ALDH3B1: variants seen among roughly 807,000 people sequenced by gnomAD.
ALDH3B1 encodes the protein aldehyde dehydrogenase 3 family member B1.
ALDH3B1 carries 37 observed loss-of-function variants against 46.2 expected under a neutral mutation model. The observed-to-expected ratio is 0.80, with a 90% CI of 0.62 to 1.05. ALDH3B1 has a LOEUF of 1.05. ALDH3B1 is among the 50% of genes least tolerant of loss of function. ALDH3B1 has a pLI of 0.00. For synonymous variants in ALDH3B1, 283 were observed against 281.0 expected (o/e 1.01, Z -0.07); for missense variants, 603 against 665.5 (o/e 0.91, Z 1.03).
chr11:68,011,495 C>G lies in ALDH3B1; in HGVS notation c.-2+1103C>G, dbSNP rs1429515202. On this transcript the variant is annotated intron_variant, in intron 1 of 9. Coordinates refer to ENST00000342456, the MANE Select transcript of ALDH3B1 (RefSeq NM_000694.4). ...ATGAGTGCCTCCATTTTGGTTTGGT[C>G]TGGTCTGTTGGGGCCTAGTACAGGA... is the stretch of plus-strand genomic sequence containing the variant. Among the ~76,000 whole-genome samples the G allele has an allele frequency of 3.3e-5, 5 of 152,196 alleles. No individual in the cohort carries two copies. In the East Asian group the frequency reaches 7.7e-4, roughly 23 times the overall value.
In ALDH3B1 at chr11:68,028,458, C is replaced by T. The variant is rs1854639646; in HGVS notation, c.*519C>T. On this transcript the variant is annotated 3_prime_UTR_variant, in exon 10 of 10. Transcript: ENST00000342456. ...TTGGGAGGCCGAGGCAGGCGGATCA[C>T]CTGAAATCAGGAGTTCAAGATCAGC... is the stretch of plus-strand genomic sequence containing the variant. The T allele has an allele frequency of 4.1e-6, 1 of 243,956 alleles. No homozygotes were observed. The highest frequency in any genetic ancestry group is 8.4e-6 in the Non-Finnish European group (1 of 119,222). The allele number at this position is 243,956 out of a possible 1,614,324, so 15.1% of individuals were successfully genotyped here.
upstream of ALDH3B1, among the ~76,000 whole-genome samples, chr11:68,009,284 T>C (rs1857185420): frequency 6.6e-6 from 1 of 152,172 alleles, no homozygotes; most frequent in African/African-American, 2.4e-5. Context: ...CACAGGGCGC[T>C]GGGAGAGGAG....
At chr11:68,015,514 G>T (rs1442479261) in intron 2 of ALDH3B1, 55 bp downstream of exon 2, 1 of 1,553,574 alleles carries the variant, frequency 6.4e-7, no homozygotes, top group East Asian at 2.4e-5. Flanking sequence ...GGCATGGAGG[G>T]CAGCTGGGAC....
At chr11:68,016,273 C>G (rs1857349402) in intron 2 of ALDH3B1, 1 of 152,452 alleles carries the variant, frequency 6.6e-6, no homozygotes, top group Non-Finnish European at 1.5e-5. Flanking sequence ...GGGGAGATGG[C>G]AGCGGGCACA....
chr11:68,027,771 C>T lies in ALDH3B1; in HGVS notation c.1239C>T (p.Tyr413=). 6.4e-7 allele frequency: 1 copy of T among 1,558,790 alleles called. No homozygotes were observed. ...GGVGASGMGR[Y]HGKFSFDTFS... ...CAGGTGCCAGTGGGATGGGCCGGTA[C>T]CATGGCAAGTTCTCCTTCGACACCT... The change falls in exon 10 of 10, where the codon TAC becomes TAT. Residue 413 remains tyrosine, a synonymous_variant. Transcript: ENST00000342456.
Position 68,019,774 on chromosome 11 carries a change from G to C in ALDH3B1, c.540G>C (p.Arg180Ser), listed in dbSNP as rs769273922. The part of the protein sequence containing the change: ...PQETGQLLEH[R>S]FDYIFFTGSP... ...AGACGGGGCAGCTGCTAGAGCACAG[G>C]TTCGACTACATCTTCTTCACAGGTG... Residue 180 changes from arginine (R) to serine (S), a missense_variant, in exon 6 of 10, where the codon AGG becomes AGC. Coordinates refer to ENST00000342456, the MANE Select transcript of ALDH3B1 (RefSeq NM_000694.4). 6.2e-7 allele frequency: 1 copy of C among 1,614,142 alleles called. No individual in the cohort carries two copies.
At chr11:68,025,273 T>C (rs1324836206) in intron 8 of ALDH3B1, 3 of 152,236 alleles carry the variant, frequency 2.0e-5, no homozygotes, top group African/African-American at 7.2e-5. Context: ...TGCCATGAAG[T>C]GACGTCTGAA....
At position 68,028,204 on chromosome 11, in the gene ALDH3B1, C is replaced by T; in HGVS notation, c.*265C>T. On this transcript the variant is annotated 3_prime_UTR_variant, in exon 10 of 10. Transcript: ENST00000342456. ...CACCCCCTGCCCCCGCACCAACCAC[C>T]CATATTCAGGAGAAGAGGACAGACA... 1 of 649,490 alleles carries T rather than the reference C, an allele frequency of 1.5e-6. No homozygotes were observed. The highest frequency in any genetic ancestry group is 2.8e-6 in the Non-Finnish European group (1 of 351,470). 40.2% of individuals were successfully genotyped at this position (649,490 alleles called of 1,614,324 possible).
rs1857499723 is a variant in ALDH3B1 at position 68,021,674 on chromosome 11, T to C, written c.752T>C (p.Leu251Pro). 1.2e-6 allele frequency: 2 copies of C among 1,613,994 alleles called. No individual in the cohort carries two copies. Among genetic ancestry groups the C allele is most frequent in the Non-Finnish European group, 1.7e-6 (2 of 1,179,988 alleles). ...ACCTGCGTGGCCCCCGACTACGTCC[T>C]ATGCAGCCCTGAGATGCAGGAGAGG... is the stretch of plus-strand genomic sequence containing the variant. The part of the protein sequence containing the change: ...GQTCVAPDYV[L>P]CSPEMQERLL... The change falls in exon 7 of 10, where the codon CTA (leucine) becomes CCA (proline). Residue 251 changes from leucine to proline, a missense_variant. Transcript: ENST00000342456.
chr11:68,015,167 A>G, intron 1 of ALDH3B1, 130 bp from the exon 2 acceptor site: 1 of 983,932 alleles, frequency 1.0e-6, no homozygotes, highest in Non-Finnish European at 1.4e-6. Flanking sequence ...GTGTGTGTAT[A>G]AGGTAGAGGT....
At chr11:68,009,396 G>T (rs1037529528), upstream of ALDH3B1, among the ~76,000 whole-genome samples, 1 of 152,176 alleles carries the variant, frequency 6.6e-6, no homozygotes, top group African/African-American at 2.4e-5. Context: ...CTTGGGTAGG[G>T]TGTAGCAAGA....
intron 8 of ALDH3B1, among the ~76,000 whole-genome samples, chr11:68,023,949 G>A (rs1398260049): frequency 1.3e-5 from 2 of 150,720 alleles, no homozygotes; most frequent in Admixed American, 6.6e-5. Flanking sequence ...GGAGGCTGAG[G>A]TGGAAGGATC....
At position 68,027,027 on chromosome 11, in the gene ALDH3B1, C is replaced by A. The variant is rs924104693; in HGVS notation, c.1217-722C>A. On this transcript the variant is annotated intron_variant, in intron 9 of 9. Coordinates refer to ENST00000342456, the MANE Select transcript of ALDH3B1 (RefSeq NM_000694.4). Reference sequence around the variant, plus strand: ...CCTGCTGCTCCCTCAAGAAAGCCTCCCCCAGCTCCCAGGCCCCCGAGCTGA... The same window carrying A: ...CCTGCTGCTCCCTCAAGAAAGCCTCACCCAGCTCCCAGGCCCCCGAGCTGA... Among the ~76,000 whole-genome samples the A allele has an allele frequency of 2.0e-5, 3 of 152,020 alleles. No individual in the cohort carries two copies. The East Asian group carries it at 5.8e-4, about 29-fold the overall frequency.
chr11:68,019,886 G>A (rs1254995652), intron 6 of ALDH3B1, 90 bp downstream of exon 6: 2 of 1,357,956 alleles, frequency 1.5e-6, no homozygotes, highest in Non-Finnish European at 2.1e-6. Context: ...TCCACAGGGA[G>A]ACTGAATTCT....
intron 8 of ALDH3B1, chr11:68,024,950 G>A (rs1329468555): frequency 1.3e-5 from 2 of 152,154 alleles, no homozygotes. Context: ...CTTCCCCTCT[G>A]GTGCTACAAG....
At chr11:68,015,594 C>A in intron 2 of ALDH3B1, 135 bp downstream of exon 2, 1 of 1,146,100 alleles carries the variant, frequency 8.7e-7, no homozygotes, top group Non-Finnish European at 1.3e-6. Context: ...TAGGCCAGAG[C>A]CACCCTTGCA....
At chr11:68,021,418 C>T (rs978885486) in intron 6 of ALDH3B1, 67 bp from the exon 7 acceptor site, 150 of 1,555,152 alleles carry the variant, frequency 9.6e-5, no homozygotes, top group South Asian at 8.5e-4. Flanking sequence ...GGAGCGGGGC[C>T]GTGGGCTGGG....
intron 9 of ALDH3B1, 103 bp downstream of exon 9, chr11:68,026,211 G>T: frequency 9.5e-7 from 1 of 1,050,192 alleles, no homozygotes; most frequent in Non-Finnish European, 1.3e-6. Context: ...CCTCAATGTA[G>T]AGGGACAGGC....
At chr11:68,021,319 G>T (rs1857486703) in intron 6 of ALDH3B1, among the ~76,000 whole-genome samples, 166 bp from the exon 7 acceptor site, 1 of 152,174 alleles carries the variant, frequency 6.6e-6, no homozygotes, top group Non-Finnish European at 1.5e-5. Flanking sequence ...TGAAGGATGA[G>T]CAGGGCCCTG....
Sources: allele counts gnomAD v4.1 joint callset (sites outside exome capture counted in the v4.1 genomes callset), GRCh38; gene constraint gnomAD v4.1.1; transcripts MANE v1.5; gene names NCBI Gene and HGNC (gene_info 2026-07-23, HGNC 2026-07-21).